The following LARP4B variants were observed in gnomAD, a reference collection of about 807,000 sequenced individuals.
The protein encoded by LARP4B is La ribonucleoprotein 4B.
Under a neutral mutation model 89.8 loss-of-function variants are expected in LARP4B, and 12 were observed. That is an observed-to-expected ratio of 0.13 (90% CI 0.09 to 0.22). The LOEUF (loss-of-function observed/expected upper bound fraction) is 0.22, where lower values mean the gene tolerates loss of function less well. Among genes scored for constraint, LARP4B ranks in the 10% least tolerant of loss-of-function variants. The probability of loss-of-function intolerance (pLI) is 1.00; values close to 1 mark genes in which losing one functional copy is unlikely to be tolerated. For synonymous variants in LARP4B, 367 were observed against 363.3 expected (o/e 1.01, Z -0.12); for missense variants, 757 against 947.7 (o/e 0.80, Z 2.64).
At chr10:832,837 A>C (rs1377378504) in intron 8 of LARP4B, among the ~76,000 whole-genome samples, 3 of 152,258 alleles carry the variant, frequency 2.0e-5, no homozygotes, top group African/African-American at 4.8e-5. Context: ...AGGCAGAAGG[A>C]AAGTCCAGAT....
the LARP4B span, among the ~76,000 whole-genome samples, chr10:970,052 C>T: frequency 2.0e-5 from 3 of 152,144 alleles, no homozygotes; most frequent in Non-Finnish European, 2.9e-5. Flanking sequence ...GTCCCAGGGC[C>T]GTCGGGCAGT....
In LARP4B at chr10:880,218, G is replaced by A. The variant is rs78065960; in HGVS notation, c.141+4229C>T. ...ATTTTCATAGAAATTCAAGCTTTCT[G>A]ATTGCTAAGCCTACTCTTATTCAAA... On this transcript the variant is annotated intron_variant, in intron 3 of 17. Coordinates refer to ENST00000316157, the MANE Select transcript of LARP4B (RefSeq NM_015155.3). Among the ~76,000 whole-genome samples, 241 of 152,328 alleles carry A rather than the reference G, an allele frequency of 1.6e-3. 4 individuals are homozygous for A. In the East Asian group the frequency reaches 0.031, roughly 19 times the overall value.
chr10:832,694 C>T (rs1225236644), intron 8 of LARP4B, among the ~76,000 whole-genome samples: 1 of 152,086 alleles, frequency 6.6e-6, no homozygotes, highest in African/African-American at 2.4e-5. Flanking sequence ...AAAAAACCCC[C>T]TCAATCCAGA....
At chr10:928,210 G>A (rs1837205245) in intron 1 of LARP4B, among the ~76,000 whole-genome samples, 1 of 148,680 alleles carries the variant, frequency 6.7e-6, no homozygotes, top group African/African-American at 2.5e-5. Context: ...CGACAAGAGT[G>A]AAAGTCCGCC....
chr10:848,989 G>A (rs1470732291), intron 5 of LARP4B, among the ~76,000 whole-genome samples: 2 of 152,222 alleles, frequency 1.3e-5, no homozygotes, highest in African/African-American at 2.4e-5. Context: ...CAAAAGGCAT[G>A]ATGACCAAAG....
At chr10:825,665 T>C (rs1478189678) in intron 12 of LARP4B, 99 bp downstream of exon 12, 2 of 768,526 alleles carry the variant, frequency 2.6e-6, no homozygotes, top group East Asian at 2.7e-5. Flanking sequence ...GGTGGCTCTG[T>C]CTGCGAGGAG....
intron 1 of LARP4B, among the ~76,000 whole-genome samples, chr10:893,104 G>A: frequency 6.7e-6 from 1 of 149,268 alleles, no homozygotes; most frequent in Non-Finnish European, 1.5e-5. Flanking sequence ...AGTAGAGACG[G>A]GATTTTGTCA....
chr10:848,927 C>T (rs931110713), intron 5 of LARP4B, among the ~76,000 whole-genome samples: 2 of 152,114 alleles, frequency 1.3e-5, no homozygotes, highest in Admixed American at 6.6e-5. Context: ...AAATAACTGA[C>T]TTTTAAATAA....
the LARP4B span, chr10:985,312 T>A: frequency 6.6e-6 from 1 of 152,344 alleles, no homozygotes; most frequent in African/African-American, 2.4e-5. Context: ...AGATAATACA[T>A]AATGCATAAT....
At position 836,549 on chromosome 10, in the gene LARP4B, AATATG is replaced by A. The variant is rs780834526; in HGVS notation, c.647-48_647-44del. 9 of 1,224,896 alleles carry A rather than the reference AATATG, an allele frequency of 7.3e-6. No homozygotes were observed. The Admixed American group carries it at 1.6e-4, about 21-fold the overall frequency. The allele number at this position is 1,224,896 out of a possible 1,614,324, so 75.9% of individuals were successfully genotyped here. A position where few individuals can be genotyped will look rare whatever the true frequency, so the allele number is the denominator to read the frequency against. ...ATCAATGGTGAAACAAAAATATTAA[AATATG>A]ATATGCCAGTGGAATGTGTTACATT... On this transcript the variant is annotated intron_variant, in intron 7 of 17. Coordinates refer to ENST00000316157, the MANE Select transcript of LARP4B (RefSeq NM_015155.3).
the LARP4B span, chr10:986,077 TG>T: frequency 0.15 from 22,780 of 152,186 alleles, 1,969 homozygotes; most frequent in South Asian, 0.2. Flanking sequence ...CTAATCCCCA[TG>T]TAAAGGCTCC....
Position 822,369 on chromosome 10 carries a change from C to T in LARP4B, c.1485-1524G>A, listed in dbSNP as rs1019465563. 1.3e-5 allele frequency among the ~76,000 whole-genome samples: 2 copies of T among 152,322 alleles called. No individual in the cohort carries two copies. The highest frequency in any genetic ancestry group is 2.1e-4 in the South Asian group (1 of 4,828). ...CAGGGCTCGGCACAGGGCATCCCTC[C>T]GCCAAGGGCAGCCTGCTCGTCACTA... On this transcript the variant is annotated intron_variant, in intron 13 of 17. Transcript: ENST00000316157. This position sits in a 1 kb window ranked among gnomAD's most constrained non-coding sequence, Gnocchi z 4.6.
chr10:863,781 G>C lies in LARP4B; in HGVS notation c.392C>G (p.Pro131Arg). 6.2e-7 allele frequency: 1 copy of C among 1,613,260 alleles called. No homozygotes were observed. The highest frequency in any genetic ancestry group is 8.5e-7 in the Non-Finnish European group (1 of 1,179,788). ...PADMNALALG[P>R]SEYDSLPENS... ...TTCAGGCAGAGAGTCATATTCTGAG[G>C]GACCCAGAGCGAGAGCGTTCATGTC... The change falls in exon 5 of 18, where the codon CCC becomes CGC. Residue 131 changes from proline (P) to arginine (R), a missense_variant. Pro to Arg is a moderately radical substitution (Grantham distance 103). Coordinates refer to ENST00000316157, the MANE Select transcript of LARP4B (RefSeq NM_015155.3).
chr10:927,609 T>C (rs1192821873), intron 1 of LARP4B, among the ~76,000 whole-genome samples: 1 of 152,168 alleles, frequency 6.6e-6, no homozygotes, highest in African/African-American at 2.4e-5. Context: ...AGTGCCTCAT[T>C]TACTTCGTAC....
At chr10:844,236 C>T (rs1328104140) in intron 6 of LARP4B, among the ~76,000 whole-genome samples, 4 of 152,228 alleles carry the variant, frequency 2.6e-5, no homozygotes, top group Admixed American at 6.5e-5. Flanking sequence ...ACTTGTGCTC[C>T]ACTAGGGCGT....
the LARP4B span, among the ~76,000 whole-genome samples, chr10:946,668 C>G: frequency 6.6e-6 from 1 of 152,190 alleles, no homozygotes; most frequent in Non-Finnish European, 1.5e-5. Flanking sequence ...GGGGCTTGTT[C>G]CTTCCATTTG....
chr10:861,538 A>C (rs1834617588), intron 5 of LARP4B, among the ~76,000 whole-genome samples: 1 of 152,218 alleles, frequency 6.6e-6, no homozygotes, highest in Non-Finnish European at 1.5e-5. Flanking sequence ...TTTTAAAAAG[A>C]ATCACCTTTT....
upstream of LARP4B, among the ~76,000 whole-genome samples, chr10:936,517 C>T (rs557704551): frequency 1.3e-5 from 2 of 152,154 alleles, no homozygotes; most frequent in South Asian, 2.1e-4. Flanking sequence ...GTCAGGAGTT[C>T]GAGACCAGCC....
At chr10:825,029 T>C in intron 13 of LARP4B, 36 bp downstream of exon 13, 1 of 1,560,324 alleles carries the variant, frequency 6.4e-7, no homozygotes, top group Non-Finnish European at 8.7e-7. Flanking sequence ...AAAATATTAG[T>C]TTATGATGTT....
Sources: allele counts gnomAD v4.1 joint callset (sites outside exome capture counted in the v4.1 genomes callset), GRCh38; gene constraint gnomAD v4.1.1; non-coding constraint Gnocchi (gnomAD v3.1); transcripts MANE v1.5; gene names NCBI Gene and HGNC (gene_info 2026-07-23, HGNC 2026-07-21).